PPP4R3B: variants seen among roughly 807,000 people sequenced by gnomAD.
PPP4R3B encodes protein phosphatase 4 regulatory subunit 3B, also known as serine/threonine-protein phosphatase 4 regulatory subunit 3B.
A neutral mutation model predicts 95.4 loss-of-function variants in PPP4R3B; 52 were observed. That is an observed-to-expected ratio of 0.54 (90% CI 0.44 to 0.69). PPP4R3B has a LOEUF of 0.69. Ranked by LOEUF, PPP4R3B falls within the 30% of genes least tolerant of loss-of-function variation. The pLI is 0.00. For missense variants in PPP4R3B, 1,003 were observed against 1,005.9 expected, an observed-to-expected ratio of 1.00 and a Z score of 0.04; for synonymous variants, 407 against 343.9, an observed-to-expected ratio of 1.18 and a Z score of -2.03.
chr2:55,557,104 T>C (rs1685952246), intron 16 of PPP4R3B, among the ~76,000 whole-genome samples: 1 of 152,044 alleles, frequency 6.6e-6, no homozygotes, highest in African/African-American at 2.4e-5. Context: ...GGCAGGGAGC[T>C]TAAGGCCCAG....
At chr2:55,609,598 G>A (rs1693882152) in intron 2 of PPP4R3B, among the ~76,000 whole-genome samples, 3 of 149,728 alleles carry the variant, frequency 2.0e-5, no homozygotes, top group African/African-American at 7.4e-5. Flanking sequence ...AGCGCAGGAA[G>A]TTAAAGCTGC....
At chr2:55,604,581 G>C (rs1364526703) in intron 2 of PPP4R3B, among the ~76,000 whole-genome samples, 1 of 151,662 alleles carries the variant, frequency 6.6e-6, no homozygotes. Flanking sequence ...ACACCATGGT[G>C]AAACAAAGCT....
At chr2:55,563,526 C>T (rs139098217) in intron 15 of PPP4R3B, among the ~76,000 whole-genome samples, 7 of 152,276 alleles carry the variant, frequency 4.6e-5, no homozygotes, top group African/African-American at 1.7e-4. Flanking sequence ...GTAAGTGCCA[C>T]TGTGCCCATT....
chr2:55,594,576 A>C (rs1691504293), intron 4 of PPP4R3B, among the ~76,000 whole-genome samples: 1 of 152,214 alleles, frequency 6.6e-6, no homozygotes, highest in Non-Finnish European at 1.5e-5. Flanking sequence ...GAATATAAAA[A>C]AGTATTTACG....
At chr2:55,614,866 A>AT (rs1694679628) in intron 2 of PPP4R3B, 1 of 152,198 alleles carries the variant, frequency 6.6e-6, no homozygotes, top group Non-Finnish European at 1.5e-5. Flanking sequence ...CACTGCTACC[A>AT]TTTTCAGATT....
At position 55,559,106 on chromosome 2, in the gene PPP4R3B, GGGAGGCTGA is replaced by G. The variant is rs1377921044; in HGVS notation, c.2261-147_2261-139del. On this transcript the variant is annotated intron_variant, in intron 15 of 16. Transcript: ENST00000616407. ...CTCACGCCTGTAATCCCAACACTTT[GGGAGGCTGA>G]GGCAGGCAGATCACCCAAGGCCGGA... The G allele has an allele frequency of 4.8e-6, 3 of 627,982 alleles. No homozygotes were observed. In the East Asian group the frequency reaches 9.0e-5, roughly 19 times the overall value. The allele number at this position is 627,982 out of a possible 1,614,324, so 38.9% of individuals were successfully genotyped here.
chr2:55,553,529 G>A lies in PPP4R3B; in HGVS notation c.2455-3523C>T, dbSNP rs572229629. Among the ~76,000 whole-genome samples, 37 of 152,152 alleles carry A rather than the reference G, an allele frequency of 2.4e-4. 1 individual carries two copies. The highest frequency in any genetic ancestry group is 7.7e-4 in the African/African-American group (32 of 41,516). ...TGGTTTTAGTATATTCACAAGTTAC[G>A]TAATCACCACCAATTCCAGAACATT... is the stretch of plus-strand genomic sequence containing the variant. On this transcript the variant is annotated intron_variant, in intron 16 of 16. Transcript: ENST00000616407.
At chr2:55,584,949 C>T in intron 7 of PPP4R3B, 102 bp downstream of exon 7, 1 of 912,110 alleles carries the variant, frequency 1.1e-6, no homozygotes, top group Non-Finnish European at 1.7e-6. Context: ...TTATTTTGCT[C>T]CCAAGAAAGA....
intron 4 of PPP4R3B, among the ~76,000 whole-genome samples, chr2:55,589,310 A>G (rs1412392035): frequency 1.3e-5 from 2 of 150,340 alleles, no homozygotes; most frequent in Non-Finnish European, 2.9e-5. Flanking sequence ...AAACAAGCCT[A>G]AGGATCTTAT....
intron 16 of PPP4R3B, among the ~76,000 whole-genome samples, chr2:55,553,437 A>C (rs1685481285): frequency 6.6e-6 from 1 of 152,204 alleles, no homozygotes. Context: ...CATACCATAA[A>C]GTCAAGTTTT....
intron 2 of PPP4R3B, among the ~76,000 whole-genome samples, chr2:55,609,928 G>A (rs1025392447): frequency 9.2e-5 from 14 of 152,224 alleles, no homozygotes; most frequent in South Asian, 2.1e-4. Context: ...AGAATCTGGC[G>A]TGGGAAAGAG....
chr2:55,555,833 C>T (rs954893695), intron 16 of PPP4R3B, among the ~76,000 whole-genome samples: 11 of 152,144 alleles, frequency 7.2e-5, no homozygotes, highest in Admixed American at 2.0e-4. Flanking sequence ...ATTTGCTACA[C>T]AAAGAAGCAA....
Position 55,599,204 on chromosome 2 carries a change from G to A in PPP4R3B, c.298-165C>T, listed in dbSNP as rs1309200712. 4.6e-5 allele frequency among the ~76,000 whole-genome samples: 7 copies of A among 152,192 alleles called. No homozygotes were observed. The East Asian group carries it at 1.2e-3, about 25-fold the overall frequency. ...TGTAATCCCAGCACTTTAGGTGGCT[G>A]AGGCAGGCAGGTCTCTTGAGGTCAG... On this transcript the variant is annotated intron_variant, in intron 3 of 16. Transcript: ENST00000616407.
At chr2:55,573,964 T>C (rs1002016468) in intron 11 of PPP4R3B, among the ~76,000 whole-genome samples, 187 bp from the exon 12 acceptor site, 11 of 144,950 alleles carry the variant, frequency 7.6e-5, no homozygotes, top group Non-Finnish European at 1.2e-4. Context: ...TCATGGCACA[T>C]TGCAGCTTCC....
At chr2:55,562,403 T>C (rs1686747845) in intron 15 of PPP4R3B, among the ~76,000 whole-genome samples, 1 of 152,062 alleles carries the variant, frequency 6.6e-6, no homozygotes, top group Non-Finnish European at 1.5e-5. Flanking sequence ...GCCTGGGCAA[T>C]GAGAAGGAGA....
At chr2:55,616,777 G>T (rs1694997832) in intron 1 of PPP4R3B, among the ~76,000 whole-genome samples, 1 of 151,936 alleles carries the variant, frequency 6.6e-6, no homozygotes, top group Non-Finnish European at 1.5e-5. Context: ...TAAACCGTTT[G>T]TACTAGACGT....
chr2:55,608,349 A>G (rs1405463830), intron 2 of PPP4R3B, among the ~76,000 whole-genome samples: 1 of 152,184 alleles, frequency 6.6e-6, no homozygotes, highest in East Asian at 1.9e-4. Flanking sequence ...TTGTCAAAAT[A>G]CCAGAAACTA....
intron 4 of PPP4R3B, among the ~76,000 whole-genome samples, chr2:55,596,977 A>C (rs916278212): frequency 6.6e-6 from 1 of 152,178 alleles, no homozygotes; most frequent in Admixed American, 6.5e-5. Context: ...AATAATAATA[A>C]TAAAAAATAG....
intron 10 of PPP4R3B, among the ~76,000 whole-genome samples, chr2:55,577,699 T>C (rs936361568): frequency 3.3e-5 from 5 of 152,154 alleles, no homozygotes; most frequent in African/African-American, 1.2e-4. Flanking sequence ...TTTACTATTT[T>C]TAATTTTTTA....
Sources: allele counts gnomAD v4.1 joint callset (sites outside exome capture counted in the v4.1 genomes callset), GRCh38; gene constraint gnomAD v4.1.1; transcripts MANE v1.5; gene names NCBI Gene and HGNC (gene_info 2026-07-23, HGNC 2026-07-21).